Variants in ZFHX3 observed in about 807,000 individuals in gnomAD.
ZFHX3 encodes zinc finger homeobox 3, also known as zinc finger homeobox protein 3.
In ZFHX3, 42 loss-of-function variants were observed where a neutral mutation model predicts 279.1. That is an observed-to-expected ratio of 0.15 (90% CI 0.12 to 0.19). ZFHX3 has a LOEUF of 0.19. ZFHX3 is among the 10% of genes least tolerant of loss of function. The probability of loss-of-function intolerance (pLI) is 1.00; values close to 1 mark genes in which losing one functional copy is unlikely to be tolerated. For synonymous variants in ZFHX3, 2,293 were observed against 1,957.8 expected (o/e 1.17, Z -4.52); for missense variants, 4,981 against 4,754.0 (o/e 1.05, Z -1.40).
At chr16:73,254,816 TA>T (rs1265276362) in intron 5 of ZFHX3, among the ~76,000 whole-genome samples, 1 of 152,118 alleles carries the variant, frequency 6.6e-6, no homozygotes, top group Non-Finnish European at 1.5e-5. Flanking sequence ...GTAAGACACA[TA>T]AATAAAGCTG....
intron 2 of ZFHX3, among the ~76,000 whole-genome samples, chr16:73,617,187 G>A (rs570275309): frequency 3.9e-4 from 59 of 152,320 alleles, no homozygotes; most frequent in Admixed American, 9.2e-4. Flanking sequence ...CAACTGGGAG[G>A]AAGGGGCCCT....
At chr16:73,573,940 TC>T (rs1223406537) in intron 2 of ZFHX3, among the ~76,000 whole-genome samples, 1 of 152,204 alleles carries the variant, frequency 6.6e-6, no homozygotes, top group Non-Finnish European at 1.5e-5. Context: ...ACCGTGACTC[TC>T]CAGCCTGCTT....
In ZFHX3 at chr16:72,787,404, A is replaced by G. The variant is rs199873559; in HGVS notation, c.10872T>C (p.Ala3624=). The part of the protein sequence containing the change: ...RKSWPQVVSR[A]SAAKPPSFPP... ...GAAAAGAAGGGGGCTTCGCTGCCGA[A>G]GCCCGGGAGACCACTTGCGGCCAAG... Residue 3624 remains alanine, a synonymous_variant, in exon 10 of 10, where the codon GCT becomes GCC. Coordinates refer to ENST00000268489, the MANE Select transcript of ZFHX3 (RefSeq NM_006885.4). 1,060 of 1,540,794 alleles carry G rather than the reference A, an allele frequency of 6.9e-4. 11 individuals carry two copies. In the East Asian group the frequency reaches 9.8e-3, roughly 14 times the overall value.
At chr16:72,962,305 C>T (rs1474187544) in intron 1 of ZFHX3, among the ~76,000 whole-genome samples, 1 of 152,224 alleles carries the variant, frequency 6.6e-6, no homozygotes, top group East Asian at 1.9e-4. Flanking sequence ...CCGTTCTCCT[C>T]TTATTCCTCC....
intron 2 of ZFHX3, among the ~76,000 whole-genome samples, chr16:73,654,766 T>TA (rs1378194880): frequency 6.7e-6 from 1 of 148,764 alleles, no homozygotes; most frequent in Non-Finnish European, 1.5e-5. Flanking sequence ...TCATTTTTAC[T>TA]AAAAAAAGAG....
intron 7 of ZFHX3, among the ~76,000 whole-genome samples, chr16:73,128,963 G>A (rs1008529280): frequency 4.6e-5 from 7 of 152,120 alleles, no homozygotes; most frequent in Admixed American, 2.6e-4. Flanking sequence ...GAGATCCTGG[G>A]GAGAAAGGGG....
intron 4 of ZFHX3, among the ~76,000 whole-genome samples, chr16:72,879,321 G>A (rs2038399627): frequency 6.6e-6 from 1 of 152,174 alleles, no homozygotes; most frequent in African/African-American, 2.4e-5. Flanking sequence ...AAAATTGTAA[G>A]GCTCTAGGTA....
intron 1 of ZFHX3, among the ~76,000 whole-genome samples, chr16:73,682,888 A>AAG (rs1164488909): frequency 4.4e-4 from 12 of 27,560 alleles, no homozygotes; most frequent in African/African-American, 1.4e-3. Context: ...GAAAGAAAGA[A>AAG]AGAAAGAAAG....
intron 1 of ZFHX3, among the ~76,000 whole-genome samples, chr16:73,881,098 A>G (rs2030131538): frequency 6.6e-6 from 1 of 152,092 alleles, no homozygotes; most frequent in African/African-American, 2.4e-5. Flanking sequence ...GCTTTTGTGG[A>G]GTGTTTCTTT....
chr16:73,264,463 T>C (rs2013910410), intron 4 of ZFHX3, among the ~76,000 whole-genome samples: 1 of 152,142 alleles, frequency 6.6e-6, no homozygotes, highest in African/African-American at 2.4e-5. Flanking sequence ...ATTCTAGAAA[T>C]GCCAGGCTCC....
At chr16:73,521,613 A>C (rs1384226442) in intron 2 of ZFHX3, among the ~76,000 whole-genome samples, 1 of 152,150 alleles carries the variant, frequency 6.6e-6, no homozygotes, top group African/African-American at 2.4e-5. Flanking sequence ...GGCCGTTGTG[A>C]GAAAATGTAG....
intron 1 of ZFHX3, among the ~76,000 whole-genome samples, chr16:73,687,979 G>A (rs577901995): frequency 6.6e-6 from 1 of 151,244 alleles, no homozygotes. Flanking sequence ...AACGTAAGAC[G>A]CAAATTCACT....
intron 2 of ZFHX3, among the ~76,000 whole-genome samples, chr16:73,647,488 T>G (rs2052630779): frequency 6.6e-6 from 1 of 152,148 alleles, no homozygotes; most frequent in Non-Finnish European, 1.5e-5. Flanking sequence ...TCTCTCCTAC[T>G]GCCATCTTAA....
In ZFHX3 at chr16:72,786,611, CA is replaced by C. The variant is rs1391164475; in HGVS notation, c.*552del. On this transcript the variant is annotated 3_prime_UTR_variant, in exon 10 of 10. Transcript: ENST00000268489. ...AAAAAAAAAAAAAAAACTGAAAAAA[CA>C]ATAATATATAAAACAATGATTCTGA... 1 of 139,490 alleles carries C rather than the reference CA, an allele frequency of 7.2e-6. No homozygotes were observed. The highest frequency in any genetic ancestry group is 1.6e-5 in the Non-Finnish European group (1 of 63,952). The allele number at this position is 139,490 out of a possible 1,614,324, so 8.6% of individuals were successfully genotyped here.
At chr16:73,524,902 G>T (rs142609397) in intron 2 of ZFHX3, among the ~76,000 whole-genome samples, 2 of 152,302 alleles carry the variant, frequency 1.3e-5, no homozygotes, top group African/African-American at 4.8e-5. Flanking sequence ...GGGCCAGTAT[G>T]CTTGAGCAAT....
chr16:73,565,975 A>C (rs1410690617), intron 2 of ZFHX3, among the ~76,000 whole-genome samples: 1 of 152,198 alleles, frequency 6.6e-6, no homozygotes. Context: ...CCAAGGAGAA[A>C]AGATGAGTTC....
chr16:72,786,957 A>AAAG lies in ZFHX3; in HGVS notation c.*204_*206dup, dbSNP rs2035405390. 1 of 386,722 alleles carries AAAG rather than the reference A, an allele frequency of 2.6e-6. No homozygotes were observed. Among genetic ancestry groups the AAAG allele is most frequent in the Non-Finnish European group, 4.1e-6 (1 of 246,056 alleles). The allele number at this position is 386,722 out of a possible 1,614,324, so 24.0% of individuals were successfully genotyped here. A position where few individuals can be genotyped will look rare whatever the true frequency, so the allele number is the denominator to read the frequency against. ...GGCTTTTTTTTTTTTTTTAATATTA[A>AAAG]AAGAAAAGAAAAAGACAAGAATGTA... On this transcript the variant is annotated 3_prime_UTR_variant, in exon 10 of 10. Coordinates refer to ENST00000268489, the MANE Select transcript of ZFHX3 (RefSeq NM_006885.4).
intron 1 of ZFHX3, among the ~76,000 whole-genome samples, chr16:73,751,748 T>C (rs554731386): frequency 1.1e-4 from 16 of 152,316 alleles, no homozygotes; most frequent in African/African-American, 3.8e-4. Context: ...TCTATCTTCC[T>C]GCTTCCACAA....
intron 1 of ZFHX3, among the ~76,000 whole-genome samples, chr16:73,826,061 G>A (rs1597133062): frequency 3.7e-5 from 2 of 54,776 alleles, no homozygotes; most frequent in African/African-American, 1.1e-4. Flanking sequence ...ATTTGTTTGT[G>A]TCCTCTTTTA....
Sources: gnomAD v4.1 joint callset for allele counts (sites outside exome capture counted in the v4.1 genomes callset) on GRCh38, gnomAD v4.1.1 for gene constraint, MANE v1.5 for transcripts, NCBI Gene and HGNC (gene_info 2026-07-23, HGNC 2026-07-21) for gene names.